UGP2: variants seen among roughly 807,000 people sequenced by gnomAD.
UGP2 encodes UDP-glucose pyrophosphorylase 2, also known as UTP--glucose-1-phosphate uridylyltransferase.
In UGP2, 40 loss-of-function variants were observed where a neutral mutation model predicts 49.0. The ratio of observed to expected loss-of-function variants is 0.82; its 90% CI spans 0.63 to 1.06. The LOEUF is 1.06. Ranked by LOEUF, UGP2 falls within the 50% of genes least tolerant of loss-of-function variation. The pLI is 0.00. For missense variants in UGP2, 460 were observed against 603.5 expected, an observed-to-expected ratio of 0.76 and a Z score of 2.49; for synonymous variants, 225 against 213.0, an observed-to-expected ratio of 1.06 and a Z score of -0.49.
intron 3 of UGP2, among the ~76,000 whole-genome samples, chr2:63,879,806 C>G (rs1225003406): frequency 1.3e-5 from 2 of 152,088 alleles, no homozygotes; most frequent in Non-Finnish European, 2.9e-5. Flanking sequence ...GAAGACAGGC[C>G]TGTCCTACCA....
At chr2:63,857,547 T>G (rs544582830) in intron 2 of UGP2, 9 of 473,396 alleles carry the variant, frequency 1.9e-5, no homozygotes, top group Admixed American at 4.7e-5. Context: ...ATTTTTTTTG[T>G]AGACACCGGG....
intron 1 of UGP2, among the ~76,000 whole-genome samples, chr2:63,843,727 A>G (rs1411756816): frequency 6.6e-6 from 1 of 152,206 alleles, no homozygotes; most frequent in Admixed American, 6.5e-5. Context: ...ATTTTGGAAT[A>G]CTTCAGGATT....
At chr2:63,858,905 A>G (rs1042270139) in intron 3 of UGP2, among the ~76,000 whole-genome samples, 2 of 97,510 alleles carry the variant, frequency 2.1e-5, no homozygotes, top group Admixed American at 3.0e-4. Context: ...CGAAACACTT[A>G]TAACTTTTGC....
At chr2:63,885,455 C>T (rs1355860376) in intron 5 of UGP2, 134 bp from the exon 6 acceptor site, 1 of 723,094 alleles carries the variant, frequency 1.4e-6, no homozygotes, top group African/African-American at 1.9e-5. Flanking sequence ...AATGGATTCA[C>T]CTATAATTAA....
intron 1 of UGP2, among the ~76,000 whole-genome samples, chr2:63,846,969 A>C (rs1671977307): frequency 1.3e-5 from 2 of 152,202 alleles, no homozygotes; most frequent in Non-Finnish European, 2.9e-5. Context: ...AATTCTAAAG[A>C]AATTTAAAAT....
chr2:63,885,857 G>A lies in UGP2; in HGVS notation c.844G>A (p.Val282Ile). Residue 282 changes from valine (V) to isoleucine (I), a missense_variant, in exon 6 of 10, where the codon GTC becomes ATC. Physicochemically the swap from Val to Ile is conservative, Grantham distance 29 (BLOSUM62 3). This residue lies in a region of UGP2 where 317 missense variants were observed against 473.0 expected (regional missense o/e 0.67). Transcript: ENST00000337130. ...AAAACGCTGTGAATTTGTCATGGAA[G>A]TCACAAATAAAACACGTGCAGATGT... ...NGKRCEFVME[V>I]TNKTRADVKG... The A allele has an allele frequency of 6.3e-7, 1 of 1,597,292 alleles. No individual in the cohort carries two copies. Among genetic ancestry groups the A allele is most frequent in the South Asian group, 1.1e-5 (1 of 88,468 alleles).
intron 3 of UGP2, among the ~76,000 whole-genome samples, chr2:63,872,488 G>A (rs555242854): frequency 1.3e-5 from 2 of 152,094 alleles, no homozygotes; most frequent in African/African-American, 2.4e-5. Context: ...TCTTCATAAC[G>A]AATTAATGAA....
Position 63,891,247 on chromosome 2 carries a change from A to G in UGP2, c.*20A>G, listed in dbSNP as rs756739763. 6.3e-7 allele frequency: 1 copy of G among 1,580,804 alleles called. No homozygotes were observed. The highest frequency in any genetic ancestry group is 8.7e-7 in the Non-Finnish European group (1 of 1,151,822). On this transcript the variant is annotated 3_prime_UTR_variant, in exon 10 of 10. Transcript: ENST00000337130. ...CACTGAAATGAAAAATACTGTGGAC[A>G]CTTAAATAATGGGCTAGTTTCTTAC... is the stretch of plus-strand genomic sequence containing the variant.
upstream of UGP2, chr2:63,841,066 G>A (rs571966982): frequency 3.3e-4 from 50 of 152,874 alleles, no homozygotes; most frequent in Non-Finnish European, 6.4e-4. Context: ...TGGACAAGGG[G>A]GGGTTAGCAG....
chr2:63,871,597 T>C (rs926739057), intron 3 of UGP2, among the ~76,000 whole-genome samples: 18 of 152,278 alleles, frequency 1.2e-4, no homozygotes, highest in Admixed American at 3.9e-4. Flanking sequence ...CAAAAACCTT[T>C]TTAAATCTCA....
Position 63,891,491 on chromosome 2 carries a change from C to T in UGP2, c.*264C>T, listed in dbSNP as rs774269124. Reference sequence around the variant, plus strand: ...TTAAAACTGGGCAACTTTGGAAGAACTTTTAACAGAAGCCTCAATGATGAT... The same window carrying T: ...TTAAAACTGGGCAACTTTGGAAGAATTTTTAACAGAAGCCTCAATGATGAT... On this transcript the variant is annotated 3_prime_UTR_variant, in exon 10 of 10. Transcript: ENST00000337130. The T allele has an allele frequency of 3.7e-6, 1 of 269,502 alleles. No homozygotes were observed. Among genetic ancestry groups the T allele is most frequent in the Non-Finnish European group, 7.0e-6 (1 of 143,818 alleles). 16.7% of individuals were successfully genotyped at this position (269,502 alleles called of 1,614,324 possible). A position where few individuals can be genotyped will look rare whatever the true frequency, so the allele number is the denominator to read the frequency against.
intron 1 of UGP2, chr2:63,856,030 C>T: frequency 1.0e-5 from 3 of 289,342 alleles, no homozygotes; most frequent in Non-Finnish European, 1.3e-5. Flanking sequence ...CAGCCCTATG[C>T]CCTTCTCCTT....
chr2:63,856,389 GA>G lies in UGP2; in HGVS notation c.105del (p.Glu35AspfsTer2), dbSNP rs1189875816. The G allele has an allele frequency of 4.3e-6, 7 of 1,613,280 alleles. No individual in the cohort carries two copies. Among genetic ancestry groups the G allele is most frequent in the African/African-American group, 1.3e-5 (1 of 74,858 alleles). ...RQELELSVKK[E>X]LEKILTTASS... ...AGAGCTAGAATTATCTGTGAAGAAG[GA>G]ACTAGAAAAAATACTCACCACAGCA... On this transcript the variant is annotated frameshift_variant, in exon 2 of 10. Coordinates refer to ENST00000337130, the MANE Select transcript of UGP2 (RefSeq NM_006759.4). LOFTEE classifies it high-confidence loss of function.
intron 1 of UGP2, among the ~76,000 whole-genome samples, chr2:63,851,242 A>C (rs1669023321): frequency 2.0e-5 from 3 of 152,190 alleles, no homozygotes. Flanking sequence ...ATTATTAGGC[A>C]CCTGTACTGT....
intron 8 of UGP2, chr2:63,889,385 C>T (rs1019906493): frequency 2.0e-5 from 3 of 151,368 alleles, no homozygotes; most frequent in Non-Finnish European, 4.4e-5. Flanking sequence ...GTTGCTGAAA[C>T]AACACTTGAT....
intron 3 of UGP2, among the ~76,000 whole-genome samples, chr2:63,866,031 G>C (rs1487034777): frequency 1.3e-5 from 2 of 152,058 alleles, no homozygotes; most frequent in Non-Finnish European, 2.9e-5. Flanking sequence ...GAATGCTTTG[G>C]GAAACTTGGA....
chr2:63,876,450 C>T (rs1193540296), intron 3 of UGP2, among the ~76,000 whole-genome samples: 2 of 152,198 alleles, frequency 1.3e-5, no homozygotes, highest in African/African-American at 2.4e-5. Flanking sequence ...GTAACGTTAT[C>T]TTGACCACTT....
intron 1 of UGP2, among the ~76,000 whole-genome samples, chr2:63,843,222 TTAAAG>T (rs763118789): frequency 2.6e-4 from 40 of 152,380 alleles, no homozygotes; most frequent in African/African-American, 8.2e-4. Flanking sequence ...GTGTAGTAGA[TTAAAG>T]TAAGAGAATT....
intron 3 of UGP2, among the ~76,000 whole-genome samples, chr2:63,873,751 A>C (rs1397953446): frequency 6.6e-6 from 1 of 152,092 alleles, no homozygotes; most frequent in African/African-American, 2.4e-5. Context: ...AAAAAGGTCA[A>C]ATCATTAAGG....
Sources: allele counts gnomAD v4.1 joint callset (sites outside exome capture counted in the v4.1 genomes callset), GRCh38; gene constraint gnomAD v4.1.1; regional missense constraint gnomAD v4.1.1; transcripts MANE v1.5; gene names NCBI Gene and HGNC (gene_info 2026-07-23, HGNC 2026-07-21).